WDR35: variants seen among roughly 807,000 people sequenced by gnomAD.
WDR35 encodes WD repeat domain 35, also known as WD repeat-containing protein 35.
WDR35 carries 118 observed loss-of-function variants against 158.3 expected under a neutral mutation model. That is an observed-to-expected ratio of 0.75 (90% CI 0.64 to 0.87). The LOEUF is 0.87. WDR35 is among the 40% of genes least tolerant of loss of function. The probability of loss-of-function intolerance (pLI) is 0.00; values close to 1 mark genes in which losing one functional copy is unlikely to be tolerated. For synonymous variants in WDR35, 448 were observed against 476.1 expected (o/e 0.94, Z 0.77); for missense variants, 1,263 against 1,405.8 (o/e 0.90, Z 1.62).
chr2:19,931,414 A>C lies in WDR35; in HGVS notation c.2824-5T>G. 1.2e-6 allele frequency: 2 copies of C among 1,612,948 alleles called. No homozygotes were observed. Among genetic ancestry groups the C allele is most frequent in the Non-Finnish European group, 1.7e-6 (2 of 1,179,570 alleles). ...CTTTGCCTCTTCATCTGCAATCTTA[A>C]ACATTTTTCAAAATTGAGGGAAGTT... On this transcript the variant is annotated splice_polypyrimidine_tract_variant and splice_region_variant and intron_variant, in intron 23 of 26. Coordinates refer to ENST00000281405, the MANE Select transcript of WDR35 (RefSeq NM_020779.4).
At chr2:19,971,695 T>G (rs1672038976) in intron 8 of WDR35, among the ~76,000 whole-genome samples, 1 of 152,168 alleles carries the variant, frequency 6.6e-6, no homozygotes, top group South Asian at 2.1e-4. Context: ...TCTTGCTACC[T>G]GTATGAAATT....
chr2:19,925,969 A>G (rs964003902), intron 25 of WDR35, among the ~76,000 whole-genome samples: 5 of 152,234 alleles, frequency 3.3e-5, no homozygotes, highest in African/African-American at 1.2e-4. Context: ...GGATAGAACA[A>G]TGGCCACTAA....
intron 2 of WDR35, among the ~76,000 whole-genome samples, chr2:19,986,786 C>T (rs1468528002): frequency 6.6e-6 from 1 of 152,180 alleles, no homozygotes; most frequent in Non-Finnish European, 1.5e-5. Flanking sequence ...TAATTCCTTT[C>T]CTTCTAGAGC....
intron 12 of WDR35, among the ~76,000 whole-genome samples, chr2:19,952,409 C>T (rs181392875): frequency 1.8e-4 from 27 of 152,326 alleles, no homozygotes; most frequent in Non-Finnish European, 1.6e-4. Context: ...GATGAGGAAA[C>T]TGAGTTCTAA....
chr2:19,965,496 C>T (rs1244804814), intron 10 of WDR35, among the ~76,000 whole-genome samples: 2 of 152,182 alleles, frequency 1.3e-5, no homozygotes, highest in Non-Finnish European at 2.9e-5. Flanking sequence ...TTGAACAGGT[C>T]GAATTCTCCT....
At position 19,978,601 on chromosome 2, in the gene WDR35, T is replaced by C. The variant is rs141020608; in HGVS notation, c.436+150A>G. On this transcript the variant is annotated intron_variant, in intron 5 of 26. Transcript: ENST00000281405. ...ATGGTTAAAATCAAAGAACGGTTCT[T>C]GAATGTCGTCAAATTGTATATCAAA... The C allele has an allele frequency of 1.8e-5, 22 of 1,239,110 alleles. No individual in the cohort carries two copies. In the East Asian group the frequency reaches 3.4e-4, roughly 19 times the overall value. 76.8% of individuals were successfully genotyped at this position (1,239,110 alleles called of 1,614,324 possible). A position where few individuals can be genotyped will look rare whatever the true frequency, so the allele number is the denominator to read the frequency against.
At position 19,983,860 on chromosome 2, in the gene WDR35, A is replaced by C. The variant is rs1446241998; in HGVS notation, c.143-1326T>G. Among the ~76,000 whole-genome samples the C allele has an allele frequency of 3.9e-5, 6 of 152,158 alleles. No individual in the cohort carries two copies. In the South Asian group the frequency reaches 1.2e-3, roughly 31 times the overall value. On this transcript the variant is annotated intron_variant, in intron 2 of 26. Transcript: ENST00000281405. ...TGCTGACACACACATTAGGCTGAAC[A>C]TAATTTTTTTTAACACAGGGTTCTT...
intron 25 of WDR35, among the ~76,000 whole-genome samples, chr2:19,915,120 G>C (rs1302719531): frequency 6.6e-5 from 8 of 122,084 alleles, no homozygotes; most frequent in Admixed American, 6.1e-4. Flanking sequence ...TTAATATTAA[G>C]ATTTAATATT....
intron 23 of WDR35, 149 bp from the exon 24 acceptor site, chr2:19,931,558 T>C: frequency 1.1e-6 from 1 of 878,828 alleles, no homozygotes; most frequent in Non-Finnish European, 1.7e-6. Context: ...AGATAAATAT[T>C]TTAAAACCTA....
intron 3 of WDR35, 136 bp downstream of exon 3, chr2:19,982,327 C>T: frequency 2.4e-6 from 2 of 846,180 alleles, no homozygotes; most frequent in Non-Finnish European, 3.8e-6. Context: ...GGAACATATC[C>T]CCATCGTAAC....
chr2:19,918,907 T>A (rs1307788535), intron 25 of WDR35, among the ~76,000 whole-genome samples: 1 of 152,186 alleles, frequency 6.6e-6, no homozygotes, highest in African/African-American at 2.4e-5. Context: ...TTAATAGACA[T>A]CTACGGAACT....
chr2:19,925,468 T>G (rs1421533799), intron 25 of WDR35, among the ~76,000 whole-genome samples: 2 of 152,204 alleles, frequency 1.3e-5, no homozygotes, highest in African/African-American at 2.4e-5. Context: ...GTGAAGTAAC[T>G]ATTTAGGGGA....
intron 25 of WDR35, among the ~76,000 whole-genome samples, chr2:19,918,365 A>C (rs1398589314): frequency 6.6e-6 from 1 of 152,210 alleles, no homozygotes. Context: ...TAGCATCATA[A>C]TGTCAGGATC....
intron 1 of WDR35, among the ~76,000 whole-genome samples, chr2:19,989,499 G>C (rs1301453225): frequency 6.6e-6 from 1 of 152,208 alleles, no homozygotes; most frequent in Non-Finnish European, 1.5e-5. Flanking sequence ...GAGAAGGATA[G>C]TGACTGCGGA....
At chr2:19,976,897 G>A (rs1672235933) in intron 5 of WDR35, among the ~76,000 whole-genome samples, 1 of 151,600 alleles carries the variant, frequency 6.6e-6, no homozygotes, top group African/African-American at 2.4e-5. Context: ...ATGGCTCACT[G>A]CAGCCTCAAC....
intron 11 of WDR35, among the ~76,000 whole-genome samples, chr2:19,954,391 T>C (rs566264093): frequency 2.0e-5 from 3 of 152,304 alleles, no homozygotes; most frequent in East Asian, 3.9e-4. Context: ...AGACAACCCA[T>C]AGAATGGGAG....
chr2:19,960,129 T>C (rs1473981979), intron 11 of WDR35, among the ~76,000 whole-genome samples: 1 of 152,090 alleles, frequency 6.6e-6, no homozygotes, highest in Non-Finnish European at 1.5e-5. Context: ...AAAGTGTTTT[T>C]ATGGAAGAGA....
chr2:19,989,774 G>A (rs1011191300), intron 1 of WDR35, among the ~76,000 whole-genome samples: 11 of 152,210 alleles, frequency 7.2e-5, no homozygotes, highest in Admixed American at 2.6e-4. Context: ...GGCAGGAATG[G>A]GAGAGTGCTG....
chr2:19,927,984 AAAG>A (rs1670409013), intron 25 of WDR35, among the ~76,000 whole-genome samples: 1 of 152,246 alleles, frequency 6.6e-6, no homozygotes, highest in Admixed American at 6.5e-5. Context: ...TTTGCAAATC[AAAG>A]AAGGGGGACA....
Sources: gnomAD v4.1 joint callset for allele counts (sites outside exome capture counted in the v4.1 genomes callset) on GRCh38, gnomAD v4.1.1 for gene constraint, MANE v1.5 for transcripts, NCBI Gene and HGNC (gene_info 2026-07-23, HGNC 2026-07-21) for gene names.